The following GLP1R variants were observed in gnomAD, a reference collection of about 807,000 sequenced individuals.
GLP1R encodes glucagon like peptide 1 receptor, also known as glucagon-like peptide 1 receptor.
Under a neutral mutation model 68.4 loss-of-function variants are expected in GLP1R, and 32 were observed. The ratio of observed to expected loss-of-function variants is 0.47; its 90% CI spans 0.35 to 0.63. The LOEUF (loss-of-function observed/expected upper bound fraction) is 0.63. Ranked by LOEUF, GLP1R falls within the 20% of genes least tolerant of loss-of-function variation. GLP1R has a pLI of 0.00. For synonymous variants in GLP1R, 263 were observed against 244.4 expected (o/e 1.08, Z -0.71); for missense variants, 502 against 594.9 (o/e 0.84, Z 1.62).
intron 7 of GLP1R, among the ~76,000 whole-genome samples, chr6:39,076,389 C>G (rs1015775009): frequency 6.6e-6 from 1 of 152,080 alleles, no homozygotes; most frequent in Non-Finnish European, 1.5e-5. Flanking sequence ...ACTAAAGCAC[C>G]GTAGATGCTG....
At chr6:39,057,275 A>G (rs1210775153) in intron 2 of GLP1R, among the ~76,000 whole-genome samples, 197 bp from the exon 3 acceptor site, 1 of 152,212 alleles carries the variant, frequency 6.6e-6, no homozygotes, top group Non-Finnish European at 1.5e-5. Context: ...TTACTTGCTC[A>G]AGGTCCTGCC....
chr6:39,057,033 G>C (rs1324501086), intron 2 of GLP1R, among the ~76,000 whole-genome samples: 4 of 152,220 alleles, frequency 2.6e-5, no homozygotes, highest in Non-Finnish European at 5.9e-5. Flanking sequence ...TTGAAATCCT[G>C]ACTGTAATTA....
Position 39,085,908 on chromosome 6 carries a change from C to T in GLP1R, c.1227C>T (p.Val409=). 1 of 1,613,872 alleles carries T rather than the reference C, an allele frequency of 6.2e-7. No individual in the cohort carries two copies. The highest frequency in any genetic ancestry group is 8.5e-7 in the Non-Finnish European group (1 of 1,179,834). ...AILYCFVNNE[V]QLEFRKSWER... is the part of the protein sequence containing the mutation. ...TTTCCCTCCTTTTCCCATGGAAGGT[C>T]CAGCTGGAATTTCGGAAGAGCTGGG... The change falls in exon 13 of 13, where the codon GTC becomes GTT. Residue 409 remains valine, a splice_region_variant and synonymous_variant. Transcript: ENST00000373256.
intron 5 of GLP1R, 98 bp from the exon 6 acceptor site, chr6:39,072,764 G>A: frequency 9.6e-7 from 1 of 1,040,646 alleles, no homozygotes; most frequent in African/African-American, 1.6e-5. Flanking sequence ...TCCCAGGGCT[G>A]GAAACATGCC....
At chr6:39,071,084 C>T (rs903807112) in intron 5 of GLP1R, among the ~76,000 whole-genome samples, 10 of 152,174 alleles carry the variant, frequency 6.6e-5, no homozygotes, top group East Asian at 1.9e-4. Flanking sequence ...CGGTGGCTCA[C>T]GCCAGTAATC....
Position 39,087,914 on chromosome 6 carries a change from A to G in GLP1R, c.*1841A>G, listed in dbSNP as rs4714211. ...CACCCCTTATTTGCTGTCTCTTCGT[A>G]AGCGTGGGCACCAGTGGGTTGATGT... On this transcript the variant is annotated 3_prime_UTR_variant, in exon 13 of 13. Transcript: ENST00000373256. 0.55 allele frequency among the ~76,000 whole-genome samples: 83,714 copies of G among 151,966 alleles called. 23,801 individuals are homozygous for G. Among genetic ancestry groups the G allele is most frequent in the African/African-American group, 0.7 (28,977 of 41,432 alleles).
intron 1 of GLP1R, among the ~76,000 whole-genome samples, chr6:39,051,538 G>A (rs975984975): frequency 3.9e-5 from 6 of 152,196 alleles, no homozygotes; most frequent in African/African-American, 9.7e-5. Context: ...GGCTGGGGCA[G>A]GAGCAACCAA....
chr6:39,083,494 G>A (rs776526360), intron 12 of GLP1R, among the ~76,000 whole-genome samples: 9 of 152,216 alleles, frequency 5.9e-5, no homozygotes, highest in Non-Finnish European at 1.2e-4. Flanking sequence ...GCTGGTGGGC[G>A]TGAGTGGGGA....
At chr6:39,071,000 C>T (rs6906372) in intron 5 of GLP1R, among the ~76,000 whole-genome samples, 5,239 of 151,834 alleles carry the variant, frequency 0.035, 309 homozygotes, top group African/African-American at 0.12. Flanking sequence ...TTATTGATTG[C>T]TTTAAAATTA....
chr6:39,078,377 C>G lies in GLP1R; in HGVS notation c.879C>G (p.Asp293Glu). 1.2e-6 allele frequency: 2 copies of G among 1,609,016 alleles called. No individual in the cohort carries two copies. Among genetic ancestry groups the G allele is most frequent in the Non-Finnish European group, 1.7e-6 (2 of 1,175,438 alleles). Residue 293 changes from aspartate to glutamate, a missense_variant, in exon 8 of 13, where the codon GAC (aspartate) becomes GAG (glutamate). Physicochemically the swap from Asp to Glu is conservative, Grantham distance 45. Transcript: ENST00000373256. ...PWGIVKYLYEDEGCWTRNSNM... is the reference protein window; with the variant it reads ...PWGIVKYLYEEEGCWTRNSNM... ...GCATTGTCAAGTACCTCTATGAGGA[C>G]GAGGGGTGAGTGTCCTGCTCCAAGG...
In GLP1R at chr6:39,073,698, T is replaced by G; in HGVS notation, c.752T>G (p.Leu251Arg). ...TGGCTCTTGGTGGAGGGCGTGTACC[T>G]GTACACACTGCTGGCCTTCTCGGTC... ...YYWLLVEGVYLYTLLAFSVLS... is the reference protein window; with the variant it reads ...YYWLLVEGVYRYTLLAFSVLS... The change falls in exon 7 of 13, where the codon CTG becomes CGG. Residue 251 changes from leucine (L) to arginine (R), a missense_variant. Coordinates refer to ENST00000373256, the MANE Select transcript of GLP1R (RefSeq NM_002062.5). 6.2e-7 allele frequency: 1 copy of G among 1,612,716 alleles called. No individual in the cohort carries two copies. The highest frequency in any genetic ancestry group is 8.5e-7 in the Non-Finnish European group (1 of 1,178,754).
chr6:39,064,000 C>CTTT lies in GLP1R; in HGVS notation c.284-1694_284-1692dup, dbSNP rs34132463. On this transcript the variant is annotated intron_variant, in intron 3 of 12. Coordinates refer to ENST00000373256, the MANE Select transcript of GLP1R (RefSeq NM_002062.5). ...AAGCCTCTTCTCAGGAGACTCAGTT[C>CTTT]TTTTTTTTTTTTTTTTTTTGAGGCA... Among the ~76,000 whole-genome samples, 157 of 112,052 alleles carry CTTT rather than the reference C, an allele frequency of 1.4e-3. 1 individual carries two copies. The highest frequency in any genetic ancestry group is 5.3e-3 in the African/African-American group (148 of 27,748). The allele number at this position is 112,052 out of a possible 152,430, so 73.5% of individuals were successfully genotyped here.
chr6:39,070,513 C>G (rs538788334), intron 5 of GLP1R, among the ~76,000 whole-genome samples: 1 of 152,192 alleles, frequency 6.6e-6, no homozygotes, highest in Non-Finnish European at 1.5e-5. Context: ...CACCTGCTTT[C>G]GCAATTTTAC....
intron 1 of GLP1R, among the ~76,000 whole-genome samples, chr6:39,051,896 G>C: frequency 7.6e-6 from 1 of 131,736 alleles, no homozygotes; most frequent in Admixed American, 8.0e-5. Flanking sequence ...TGTGTGTGTG[G>C]GGGGGGGGGC....
At position 39,086,168 on chromosome 6, in the gene GLP1R, C is replaced by T. The variant is rs200815633; in HGVS notation, c.*95C>T. ...TCCCAGGGACAAGGGAAGGAAGGGACACACACACACACACACACACACACA... is the reference window on the plus strand; with the variant it reads ...TCCCAGGGACAAGGGAAGGAAGGGATACACACACACACACACACACACACA... On this transcript the variant is annotated 3_prime_UTR_variant, in exon 13 of 13. Transcript: ENST00000373256. This position sits in a 1 kb window ranked among gnomAD's most constrained non-coding sequence, Gnocchi z 4.5. 1 of 105,326 alleles carries T rather than the reference C, an allele frequency of 9.5e-6. No individual in the cohort carries two copies. The highest frequency in any genetic ancestry group is 1.7e-4 in the East Asian group (1 of 5,768). The allele number at this position is 105,326 out of a possible 1,614,324, so 6.5% of individuals were successfully genotyped here.
intron 3 of GLP1R, among the ~76,000 whole-genome samples, chr6:39,065,421 T>C (rs1163876533): frequency 6.6e-6 from 1 of 152,214 alleles, no homozygotes; most frequent in African/African-American, 2.4e-5. Context: ...TTCATTAAAC[T>C]GTGTCCTAGG....
chr6:39,072,140 T>C (rs1250868008), intron 5 of GLP1R, among the ~76,000 whole-genome samples: 1 of 152,260 alleles, frequency 6.6e-6, no homozygotes, highest in Non-Finnish European at 1.5e-5. Context: ...CATAGATTTC[T>C]TGAATTTTCT....
rs1768020419 is a variant in GLP1R at position 39,048,796 on chromosome 6, C to T, written c.-45C>T. ...CCAGCCCGGGATCAGTCTCCGCACGCGGTTCCGCAGGTGGCAGCGATGGCC... is the reference window on the plus strand; with the variant it reads ...CCAGCCCGGGATCAGTCTCCGCACGTGGTTCCGCAGGTGGCAGCGATGGCC... On this transcript the variant is annotated 5_prime_UTR_variant, in exon 1 of 13. Transcript: ENST00000373256. The T allele has an allele frequency of 1.1e-6, 1 of 901,402 alleles. No homozygotes were observed. Among genetic ancestry groups the T allele is most frequent in the Non-Finnish European group, 1.7e-6 (1 of 585,282 alleles). The allele number at this position is 901,402 out of a possible 1,614,324, so 55.8% of individuals were successfully genotyped here.
At chr6:39,059,842 C>T (rs1237368456) in intron 3 of GLP1R, among the ~76,000 whole-genome samples, 1 of 152,168 alleles carries the variant, frequency 6.6e-6, no homozygotes, top group Non-Finnish European at 1.5e-5. Context: ...GCTCTGCCTG[C>T]CGCTTGCAGC....
Sources: allele counts gnomAD v4.1 joint callset (sites outside exome capture counted in the v4.1 genomes callset), GRCh38; gene constraint gnomAD v4.1.1; non-coding constraint Gnocchi (gnomAD v3.1); transcripts MANE v1.5; gene names NCBI Gene and HGNC (gene_info 2026-07-23, HGNC 2026-07-21).